The following ZDHHC13 variants were observed in gnomAD, a reference collection of about 807,000 sequenced individuals.
The protein encoded by ZDHHC13 is zDHHC palmitoyltransferase 13, also known as palmitoyltransferase ZDHHC13.
Under a neutral mutation model 86.0 loss-of-function variants are expected in ZDHHC13, and 85 were observed. The observed-to-expected ratio is 0.99, with a 90% CI of 0.83 to 1.18. The LOEUF (loss-of-function observed/expected upper bound fraction) is 1.18. Ranked by LOEUF, ZDHHC13 falls within the 50% of genes most tolerant of loss-of-function variation. The pLI is 0.00. For synonymous variants in ZDHHC13, 263 were observed against 246.4 expected (o/e 1.07, Z -0.63); for missense variants, 711 against 730.2 (o/e 0.97, Z 0.30).
intron 1 of ZDHHC13, among the ~76,000 whole-genome samples, chr11:19,128,347 G>A: frequency 6.6e-6 from 1 of 152,000 alleles, no homozygotes; most frequent in Non-Finnish European, 1.5e-5. Context: ...GGAGCTCTTG[G>A]GCCAATACTA....
At chr11:19,152,506 A>T in intron 7 of ZDHHC13, 53 bp from the exon 8 acceptor site, 1 of 1,504,124 alleles carries the variant, frequency 6.6e-7, no homozygotes, top group Non-Finnish European at 8.9e-7. Flanking sequence ...AAAGTTTAGC[A>T]CTCATAATAT....
At chr11:19,145,708 A>C (rs571834738) in intron 2 of ZDHHC13, among the ~76,000 whole-genome samples, 1 of 152,322 alleles carries the variant, frequency 6.6e-6, no homozygotes, top group African/African-American at 2.4e-5. Flanking sequence ...CATCTCCTTC[A>C]GGAAGGGCTA....
intron 1 of ZDHHC13, among the ~76,000 whole-genome samples, chr11:19,128,431 GC>G: frequency 6.6e-6 from 1 of 152,068 alleles, no homozygotes; most frequent in East Asian, 1.9e-4. Flanking sequence ...CTATTTGGAT[GC>G]CCTTTATTTC....
chr11:19,121,563 T>G (rs11606057), intron 1 of ZDHHC13, among the ~76,000 whole-genome samples: 89,691 of 152,026 alleles, frequency 0.59, 28,031 homozygotes, highest in Admixed American at 0.69. Context: ...TGTATAGGTG[T>G]TCTTTATATT....
intron 12 of ZDHHC13, chr11:19,164,610 C>T: frequency 1.9e-6 from 1 of 525,100 alleles, no homozygotes; most frequent in Non-Finnish European, 3.4e-6. Context: ...ATTTGCTTTT[C>T]TCTGTCATGA....
intron 8 of ZDHHC13, among the ~76,000 whole-genome samples, chr11:19,153,694 C>T (rs1849672618): frequency 1.3e-5 from 2 of 152,076 alleles, no homozygotes; most frequent in African/African-American, 4.8e-5. Context: ...CCATATTTGT[C>T]TCTCTAGTCT....
At chr11:19,137,449 C>G (rs890149867) in intron 1 of ZDHHC13, among the ~76,000 whole-genome samples, 9 of 151,978 alleles carry the variant, frequency 5.9e-5, no homozygotes, top group African/African-American at 2.2e-4. Flanking sequence ...GAGACTTAGA[C>G]TCCCACACAT....
intron 1 of ZDHHC13, among the ~76,000 whole-genome samples, chr11:19,126,471 G>A (rs958387502): frequency 9.5e-5 from 14 of 147,496 alleles, no homozygotes; most frequent in African/African-American, 3.3e-4. Flanking sequence ...CAAGTAACTG[G>A]AACTATAGGC....
At chr11:19,161,031 A>C (rs534323307) in intron 10 of ZDHHC13, among the ~76,000 whole-genome samples, 1 of 152,088 alleles carries the variant, frequency 6.6e-6, no homozygotes, top group Middle Eastern at 3.4e-3. Context: ...TTGTGAGGGC[A>C]TATAAGTCAG....
At chr11:19,129,797 T>G (rs759676181) in intron 1 of ZDHHC13, among the ~76,000 whole-genome samples, 11 of 152,146 alleles carry the variant, frequency 7.2e-5, no homozygotes, top group South Asian at 2.1e-4. Flanking sequence ...TTCTGCCTCA[T>G]AAAATGAGCT....
intron 1 of ZDHHC13, among the ~76,000 whole-genome samples, chr11:19,124,153 A>G (rs944548344): frequency 6.6e-6 from 1 of 152,124 alleles, no homozygotes; most frequent in East Asian, 1.9e-4. Flanking sequence ...TACTAGATCT[A>G]TATACAATGG....
In ZDHHC13 at chr11:19,117,201, G is replaced by A. The variant is rs563284851; in HGVS notation, c.-49G>A. ...CCCAAGGCGGGCTGGCGGGCTGGCG[G>A]CAGTCGCTACTTGCCTAGTAGCCTC... On this transcript the variant is annotated 5_prime_UTR_variant, in exon 1 of 17. Coordinates refer to ENST00000446113, the MANE Select transcript of ZDHHC13 (RefSeq NM_019028.3). The surrounding 1 kb of genome is among the most constrained non-coding windows in gnomAD (Gnocchi z 4.2). The A allele has an allele frequency of 5.3e-5, 81 of 1,529,502 alleles. No homozygotes were observed. The East Asian group carries it at 1.7e-3, about 33-fold the overall frequency. 94.7% of individuals were successfully genotyped at this position (1,529,502 alleles called of 1,614,324 possible). A position where few individuals can be genotyped will look rare whatever the true frequency, so the allele number is the denominator to read the frequency against.
At chr11:19,157,792 A>G (rs964036714) in intron 9 of ZDHHC13, among the ~76,000 whole-genome samples, 3 of 152,238 alleles carry the variant, frequency 2.0e-5, no homozygotes, top group Non-Finnish European at 2.9e-5. Flanking sequence ...AATGGACGCA[A>G]TTCAAATGTG....
At chr11:19,118,966 A>C (rs1452684714) in intron 1 of ZDHHC13, 1 of 152,220 alleles carries the variant, frequency 6.6e-6, no homozygotes, top group East Asian at 1.9e-4. Context: ...GCACCGTTTT[A>C]GGTGCTGTGA....
intron 2 of ZDHHC13, among the ~76,000 whole-genome samples, chr11:19,144,021 T>G (rs1041540253): frequency 2.6e-5 from 4 of 152,220 alleles, no homozygotes; most frequent in African/African-American, 9.7e-5. Flanking sequence ...GTTTGGAGAT[T>G]AATTAGCCTG....
chr11:19,152,709 A>G (rs375345633), intron 8 of ZDHHC13, 25 bp downstream of exon 8: 162 of 1,611,468 alleles, frequency 1.0e-4, no homozygotes, highest in Non-Finnish European at 1.3e-4. Context: ...GGTCTTTTCT[A>G]TGGGATAGAT....
At position 19,135,400 on chromosome 11, in the gene ZDHHC13, C is replaced by T. The variant is rs552501009; in HGVS notation, c.28-7578C>T. Among the ~76,000 whole-genome samples the T allele has an allele frequency of 1.2e-3, 182 of 152,338 alleles. 1 individual carries two copies. The highest frequency in any genetic ancestry group is 4.1e-3 in the African/African-American group (170 of 41,588). On this transcript the variant is annotated intron_variant, in intron 1 of 16. Coordinates refer to ENST00000446113, the MANE Select transcript of ZDHHC13 (RefSeq NM_019028.3). ...AACGGCGCACCAGGAGATTATATCC[C>T]GCACCTGGCTCGGAGGGGCCTACGC...
intron 1 of ZDHHC13, among the ~76,000 whole-genome samples, chr11:19,122,058 T>A (rs150053735): frequency 1.6e-3 from 248 of 152,298 alleles, no homozygotes; most frequent in African/African-American, 5.7e-3. Flanking sequence ...GCCCTCCTTT[T>A]CCTGACCTTG....
In ZDHHC13 at chr11:19,161,898, G is replaced by A. The variant is rs529532445; in HGVS notation, c.1109-1405G>A. 2.6e-5 allele frequency among the ~76,000 whole-genome samples: 4 copies of A among 152,088 alleles called. No homozygotes were observed. The South Asian group carries it at 6.2e-4, about 24-fold the overall frequency. On this transcript the variant is annotated intron_variant, in intron 10 of 16. Transcript: ENST00000446113. ...AAGAAAGCAAGTATATTCTCACATA[G>A]TATTACAAGGATTTGAGTGTCCAAG...
Sources: gnomAD v4.1 joint callset for allele counts (sites outside exome capture counted in the v4.1 genomes callset) on GRCh38, gnomAD v4.1.1 for gene constraint, Gnocchi (gnomAD v3.1) non-coding constraint, MANE v1.5 for transcripts, NCBI Gene and HGNC (gene_info 2026-07-23, HGNC 2026-07-21) for gene names.